TRPS1: variants seen among roughly 807,000 people sequenced by gnomAD.
TRPS1 encodes the protein transcriptional repressor GATA binding 1, also known as zinc finger transcription factor Trps1.
In TRPS1, 6 loss-of-function variants were observed where a neutral mutation model predicts 101.2. The observed-to-expected ratio is 0.06, with a 90% CI of 0.03 to 0.12. The LOEUF (loss-of-function observed/expected upper bound fraction) is 0.12, where lower values mean the gene tolerates loss of function less well. Ranked by LOEUF, TRPS1 falls within the 10% of genes least tolerant of loss-of-function variation. The pLI is 1.00. For missense variants in TRPS1, 1,363 were observed against 1,567.0 expected, an observed-to-expected ratio of 0.87 and a Z score of 2.20; for synonymous variants, 578 against 589.8, an observed-to-expected ratio of 0.98 and a Z score of 0.29.
intron 5 of TRPS1, among the ~76,000 whole-genome samples, chr8:115,511,957 AACAT>A (rs532297603): frequency 6.6e-6 from 1 of 151,820 alleles, no homozygotes; most frequent in Non-Finnish European, 1.5e-5. Context: ...TAACATATCT[AACAT>A]ACGACTAAAC....
intron 5 of TRPS1, among the ~76,000 whole-genome samples, chr8:115,559,623 T>C (rs1255621144): frequency 6.6e-6 from 1 of 152,174 alleles, no homozygotes; most frequent in East Asian, 1.9e-4. Flanking sequence ...TTATTGAATG[T>C]GTGAATGAAT....
chr8:115,538,594 T>TAAA (rs10627729), intron 5 of TRPS1, among the ~76,000 whole-genome samples: 67 of 148,420 alleles, frequency 4.5e-4, no homozygotes, highest in Middle Eastern at 3.5e-3. Context: ...TTTCAGAAAA[T>TAAA]AAAAAAAAAA....
At chr8:115,444,584 T>C (rs1813685629) in intron 5 of TRPS1, among the ~76,000 whole-genome samples, 1 of 152,220 alleles carries the variant, frequency 6.6e-6, no homozygotes, top group Non-Finnish European at 1.5e-5. Flanking sequence ...AACTTGACTA[T>C]ATCTCCCACT....
At chr8:115,464,415 T>C (rs1240422141) in intron 5 of TRPS1, among the ~76,000 whole-genome samples, 1 of 152,120 alleles carries the variant, frequency 6.6e-6, no homozygotes, top group Non-Finnish European at 1.5e-5. Context: ...ATGATGGACT[T>C]ACATCAAACT....
intron 3 of TRPS1, among the ~76,000 whole-genome samples, chr8:115,606,188 G>A (rs1424798380): frequency 2.6e-5 from 4 of 152,020 alleles, no homozygotes; most frequent in African/African-American, 7.2e-5. Context: ...TCACGTAAAG[G>A]CTCTATTTGA....
At chr8:115,454,734 A>C (rs1310765904) in intron 5 of TRPS1, among the ~76,000 whole-genome samples, 2 of 152,190 alleles carry the variant, frequency 1.3e-5, no homozygotes, top group African/African-American at 2.4e-5. Context: ...GCTCTATATA[A>C]CAGAATATAA....
chr8:115,516,080 A>C (rs1430953662), intron 5 of TRPS1, among the ~76,000 whole-genome samples: 1 of 148,604 alleles, frequency 6.7e-6, no homozygotes, highest in Non-Finnish European at 1.5e-5. Context: ...TCATTAACAA[A>C]ATTGTATATA....
chr8:115,580,600 T>C (rs1817424341), intron 5 of TRPS1, among the ~76,000 whole-genome samples: 1 of 152,120 alleles, frequency 6.6e-6, no homozygotes, highest in Non-Finnish European at 1.5e-5. Context: ...AAGATAGTTA[T>C]ATAGGAAATA....
At position 115,604,277 on chromosome 8, in the gene TRPS1, T is replaced by C. The variant is rs1280611880; in HGVS notation, c.1692A>G (p.Gln564=). Residue 564 remains glutamine (Q), a synonymous_variant, in exon 4 of 7, where the codon CAA becomes CAG. Coordinates refer to ENST00000395715, the MANE Select transcript of TRPS1 (RefSeq NM_014112.5). This position sits in a 1 kb window ranked among gnomAD's most constrained non-coding sequence, Gnocchi z 4.1. ...IVVGPLLRHY[Q]QLHNIHKCTI... The stretch of plus-strand genomic sequence containing the variant: ...TACACTTGTGAATGTTATGGAGCTG[T>C]TGATAATGACGGAGAAGTGGCCCCA... The C allele has an allele frequency of 5.0e-6, 8 of 1,614,028 alleles. No individual in the cohort carries two copies. Among genetic ancestry groups the C allele is most frequent in the East Asian group, 4.5e-5 (2 of 44,890 alleles).
intron 5 of TRPS1, among the ~76,000 whole-genome samples, chr8:115,495,717 C>G (rs1043696747): frequency 6.6e-6 from 1 of 151,616 alleles, no homozygotes; most frequent in Non-Finnish European, 1.5e-5. Context: ...AAAGTCTTTA[C>G]AAGCCCAGTC....
Position 115,604,212 on chromosome 8 carries a change from C to T in TRPS1, c.1757G>A (p.Ser586Asn). 6.2e-7 allele frequency: 1 copy of T among 1,614,054 alleles called. No individual in the cohort carries two copies. Residue 586 changes from serine to asparagine, a missense_variant, in exon 4 of 7, where the codon AGC (serine) becomes AAC (asparagine). Around this residue, in one of 5 missense-constraint regions of TRPS1, gnomAD observed 1,020 missense variants for 1,073.0 expected, o/e 0.95. Transcript: ENST00000395715. This position sits in a 1 kb window ranked among gnomAD's most constrained non-coding sequence, Gnocchi z 4.1. ...HCPFCPRGLC[S>N]PEKHLGEITY... ...AATTTCTCCAAGGTGCTTTTCTGGG[C>T]TGCAAAGTCCTCTGGGACAGAATGG...
intron 5 of TRPS1, among the ~76,000 whole-genome samples, chr8:115,514,562 G>GT (rs1038319312): frequency 3.3e-5 from 5 of 151,302 alleles, no homozygotes; most frequent in African/African-American, 4.8e-5. Context: ...ACACTTAGTA[G>GT]TTTTTTTAAT....
rs1358545918 is a variant in TRPS1, at chr8:115,563,842, A to G, written c.2700+23159T>C. The stretch of plus-strand genomic sequence containing the variant: ...AGTATACACCTTCTAAGGGAAATCA[A>G]TGCAGTCTTGGGTTTATTTAACATT... On this transcript the variant is annotated intron_variant, in intron 5 of 6. Coordinates refer to ENST00000395715, the MANE Select transcript of TRPS1 (RefSeq NM_014112.5). Among the ~76,000 whole-genome samples, 7 of 152,268 alleles carry G rather than the reference A, an allele frequency of 4.6e-5. No individual in the cohort carries two copies. In the South Asian group the frequency reaches 1.0e-3, roughly 23 times the overall value.
chr8:115,422,429 C>T (rs1027918583), intron 5 of TRPS1, among the ~76,000 whole-genome samples: 3 of 151,570 alleles, frequency 2.0e-5, no homozygotes, highest in South Asian at 2.1e-4. Flanking sequence ...GGCAGTGGCG[C>T]GATCTCGGCC....
At chr8:115,511,655 G>A (rs1339597822) in intron 5 of TRPS1, among the ~76,000 whole-genome samples, 3 of 151,722 alleles carry the variant, frequency 2.0e-5, no homozygotes. Context: ...ACATATTCTG[G>A]GTTTCCCCAA....
chr8:115,471,205 A>C (rs1814460580), intron 5 of TRPS1, among the ~76,000 whole-genome samples: 1 of 152,116 alleles, frequency 6.6e-6, no homozygotes, highest in South Asian at 2.1e-4. Flanking sequence ...AGATTGGGTA[A>C]TTTATAAAGA....
chr8:115,421,230 C>T (rs1265121245), intron 5 of TRPS1, among the ~76,000 whole-genome samples: 5 of 152,054 alleles, frequency 3.3e-5, no homozygotes, highest in African/African-American at 1.2e-4. Context: ...AGTGATCTGC[C>T]CGCCTCGGCC....
intron 1 of TRPS1, chr8:115,668,241 GAAGA>G (rs997217642): frequency 1.7e-4 from 48 of 289,392 alleles, no homozygotes; most frequent in Middle Eastern, 1.0e-3. Flanking sequence ...GAGCAGAAGA[GAAGA>G]AAGAAAGAAA....
chr8:115,498,407 C>CTATA (rs1815211856), intron 5 of TRPS1, among the ~76,000 whole-genome samples: 1 of 85,096 alleles, frequency 1.2e-5, no homozygotes, highest in Non-Finnish European at 2.1e-5. Context: ...CTCTCTCTCT[C>CTATA]TCTCTCTCTA....
Sources: gnomAD v4.1 joint callset for allele counts (sites outside exome capture counted in the v4.1 genomes callset) on GRCh38, gnomAD v4.1.1 for gene constraint, gnomAD v4.1.1 regional missense constraint, Gnocchi (gnomAD v3.1) non-coding constraint, MANE v1.5 for transcripts, NCBI Gene and HGNC (gene_info 2026-07-23, HGNC 2026-07-21) for gene names.